AP3M1: variants seen among roughly 807,000 people sequenced by gnomAD.
AP3M1 encodes the protein AP-3 complex subunit mu-1.
AP3M1 carries 29 observed loss-of-function variants against 42.6 expected under a neutral mutation model. That is an observed-to-expected ratio of 0.68 (90% CI 0.51 to 0.93). The LOEUF is 0.93. Ranked by LOEUF, AP3M1 falls within the 40% of genes least tolerant of loss-of-function variation. The pLI is 0.00. For synonymous variants in AP3M1, 178 were observed against 175.3 expected, an observed-to-expected ratio of 1.02 and a Z score of -0.12; for missense variants, 416 against 510.2, an observed-to-expected ratio of 0.82 and a Z score of 1.78.
chr10:74,142,647 C>CT (rs1564554498), intron 1 of AP3M1, among the ~76,000 whole-genome samples: 1 of 152,160 alleles, frequency 6.6e-6, no homozygotes, highest in African/African-American at 2.4e-5. Context: ...GCAATAAACT[C>CT]TGACACCTCA....
Position 74,126,309 on chromosome 10 carries a change from C to T in AP3M1, c.850G>A (p.Glu284Lys). 6.2e-7 allele frequency: 1 copy of T among 1,614,140 alleles called. No homozygotes were observed. Among genetic ancestry groups the T allele is most frequent in the Non-Finnish European group, 8.5e-7 (1 of 1,180,020 alleles). ...VYVKHSISFK[E>K]NSSCGRFDIT... ...TCAAATCTGCCGCAAGAACTGTTCT[C>T]CTTAAAGCTGATACTATGTTTCACA... Residue 284 changes from glutamate (E) to lysine (K), a missense_variant, in exon 7 of 9, where the codon GAG (glutamate) becomes AAG (lysine). Coordinates refer to ENST00000355264, the MANE Select transcript of AP3M1 (RefSeq NM_012095.6).
intron 1 of AP3M1, among the ~76,000 whole-genome samples, chr10:74,144,663 T>A (rs1183492724): frequency 6.6e-6 from 1 of 151,688 alleles, no homozygotes. Context: ...CTTTAGCTTA[T>A]GATTTTTTTT....
At chr10:74,129,759 G>C in intron 5 of AP3M1, 148 bp downstream of exon 5, 2 of 639,676 alleles carry the variant, frequency 3.1e-6, no homozygotes, top group Non-Finnish European at 5.4e-6. Flanking sequence ...TCATGTAAGC[G>C]ACTGTCTTAG....
chr10:74,121,195 A>G lies in AP3M1; in HGVS notation c.*2615T>C, dbSNP rs192235248. The G allele has an allele frequency of 1.3e-5, 2 of 152,260 alleles. No individual in the cohort carries two copies. The highest frequency in any genetic ancestry group is 6.5e-5 in the Admixed American group (1 of 15,302). 9.4% of individuals were successfully genotyped at this position (152,260 alleles called of 1,614,324 possible). The stretch of plus-strand genomic sequence containing the variant: ...TTTCTAAAACTGTCTTGTTTTTGCC[A>G]TTTACCATATGTTCACTGGTGCTGC... On this transcript the variant is annotated 3_prime_UTR_variant, in exon 9 of 9. Coordinates refer to ENST00000355264, the MANE Select transcript of AP3M1 (RefSeq NM_012095.6).
At chr10:74,149,285 T>G (rs1841445991) in intron 1 of AP3M1, among the ~76,000 whole-genome samples, 1 of 95,950 alleles carries the variant, frequency 1.0e-5, no homozygotes, top group Non-Finnish European at 2.0e-5. Flanking sequence ...TTTTTTTTTT[T>G]TTTTTTTTTT....
intron 7 of AP3M1, 110 bp from the exon 8 acceptor site, chr10:74,124,634 CTTGAAAA>C: frequency 1.1e-6 from 1 of 912,114 alleles, no homozygotes; most frequent in Non-Finnish European, 1.6e-6. Flanking sequence ...AGTGCAGTCT[CTTGAAAA>C]CAAGAGATCT....
At chr10:74,139,619 T>TC (rs1841071757) in intron 1 of AP3M1, among the ~76,000 whole-genome samples, 2 of 104,608 alleles carry the variant, frequency 1.9e-5, no homozygotes, top group Admixed American at 2.0e-4. Flanking sequence ...CTGTCTCTAC[T>TC]AAAAAAAAAA....
At position 74,123,607 on chromosome 10, in the gene AP3M1, A is replaced by AAGTCAC; in HGVS notation, c.*202_*203insGTGACT. The AAGTCAC allele has an allele frequency of 1.8e-6, 1 of 567,888 alleles. No individual in the cohort carries two copies. 35.2% of individuals were successfully genotyped at this position (567,888 alleles called of 1,614,324 possible). A position where few individuals can be genotyped will look rare whatever the true frequency, so the allele number is the denominator to read the frequency against. ...ATCTTCCTAAGTGAAAAGATACAAA[A>AAGTCAC]TAAGCTAAGTCACTAAAAGGTTTCC... On this transcript the variant is annotated 3_prime_UTR_variant, in exon 9 of 9. Transcript: ENST00000355264.
At chr10:74,125,734 T>G (rs1009696339) in intron 7 of AP3M1, among the ~76,000 whole-genome samples, 1 of 152,228 alleles carries the variant, frequency 6.6e-6, no homozygotes, top group African/African-American at 2.4e-5. Flanking sequence ...TATGAAATAA[T>G]GCTTTTAAAT....
At chr10:74,141,124 CT>C (rs1324823190) in intron 1 of AP3M1, among the ~76,000 whole-genome samples, 3 of 152,116 alleles carry the variant, frequency 2.0e-5, no homozygotes, top group South Asian at 2.1e-4. Flanking sequence ...AAAGGGACCC[CT>C]ATCCGGAAAA....
chr10:74,131,584 G>A (rs1037288632), intron 4 of AP3M1, among the ~76,000 whole-genome samples: 7 of 152,082 alleles, frequency 4.6e-5, no homozygotes, highest in Non-Finnish European at 1.0e-4. Context: ...GTCTCCCTCT[G>A]CCATCCAGGC....
At position 74,134,156 on chromosome 10, in the gene AP3M1, T is replaced by C. The variant is rs1840873386; in HGVS notation, c.454A>G (p.Asn152Asp). Residue 152 changes from asparagine (N) to aspartate (D), a missense_variant, in exon 4 of 9, where the codon AAT (asparagine) becomes GAT (aspartate). Coordinates refer to ENST00000355264, the MANE Select transcript of AP3M1 (RefSeq NM_012095.6). ...CCGGTGGGGAGTGTGTCCCCAACAT[T>C]ACTACTGCCTAGAAACCAAAAAAGG... ...SVVNSITGSSNVGDTLPTGQL... is the reference protein window; with the variant it reads ...SVVNSITGSSDVGDTLPTGQL... The C allele has an allele frequency of 6.2e-7, 1 of 1,613,820 alleles. No individual in the cohort carries two copies. Among genetic ancestry groups the C allele is most frequent in the Non-Finnish European group, 8.5e-7 (1 of 1,179,848 alleles).
intron 6 of AP3M1, among the ~76,000 whole-genome samples, chr10:74,128,097 G>A (rs1417477008): frequency 8.9e-6 from 1 of 112,732 alleles, no homozygotes; most frequent in Admixed American, 1.0e-4. Context: ...CCAAACTCCG[G>A]CTTAAAAAAA....
chr10:74,143,067 T>C (rs1489439605), intron 1 of AP3M1, among the ~76,000 whole-genome samples: 1 of 152,192 alleles, frequency 6.6e-6, no homozygotes, highest in Non-Finnish European at 1.5e-5. Flanking sequence ...GTGGTTATTT[T>C]TGGCCAGGCA....
intron 1 of AP3M1, among the ~76,000 whole-genome samples, chr10:74,147,260 G>A (rs1440372415): frequency 2.7e-5 from 4 of 150,046 alleles, no homozygotes; most frequent in Non-Finnish European, 5.9e-5. Context: ...ACTCTAGCCT[G>A]GATGACAGAG....
At chr10:74,141,068 G>GA (rs1841130668) in intron 1 of AP3M1, among the ~76,000 whole-genome samples, 2 of 152,062 alleles carry the variant, frequency 1.3e-5, no homozygotes, top group Non-Finnish European at 2.9e-5. Flanking sequence ...TATCAAGAAA[G>GA]CAAAAATTCA....
chr10:74,129,042 A>AAACAGGG, intron 6 of AP3M1, 66 bp downstream of exon 6: 1 of 1,582,040 alleles, frequency 6.3e-7, no homozygotes, highest in East Asian at 2.2e-5. Flanking sequence ...TTTCAGAAAG[A>AAACAGGG]AACAGGGAAA....
chr10:74,138,444 A>C, intron 1 of AP3M1, 62 bp from the exon 2 acceptor site: 1 of 1,446,420 alleles, frequency 6.9e-7, no homozygotes, highest in Non-Finnish European at 9.4e-7. Context: ...CATACACAAA[A>C]AGATTATACA....
Position 74,124,511 on chromosome 10 carries a change from T to A in AP3M1, c.1025A>T (p.Asp342Val), listed in dbSNP as rs1261333063. Residue 342 changes from aspartate (D) to valine (V), a missense_variant, in exon 8 of 9, where the codon GAT becomes GTT. Transcript: ENST00000355264. ...FDPVTKVLTW[D>V]VGKITPQKLP... The stretch of plus-strand genomic sequence containing the variant: ...CTTTTGTGGAGTAATTTTTCCCACA[T>A]CCCATGTTAGTACCTTAAAAAGACA... 1 of 1,606,542 alleles carries A rather than the reference T, an allele frequency of 6.2e-7. No individual in the cohort carries two copies. The highest frequency in any genetic ancestry group is 8.5e-7 in the Non-Finnish European group (1 of 1,177,830).
Sources: gnomAD v4.1 joint callset for allele counts (sites outside exome capture counted in the v4.1 genomes callset) on GRCh38, gnomAD v4.1.1 for gene constraint, MANE v1.5 for transcripts, NCBI Gene and HGNC (gene_info 2026-07-23, HGNC 2026-07-21) for gene names.